Variants in NCOA4 observed in about 807,000 individuals in gnomAD.
NCOA4 encodes nuclear receptor coactivator 4, also known as 70 kDa AR-activator.
Under a neutral mutation model 69.5 loss-of-function variants are expected in NCOA4, and 31 were observed. The observed-to-expected ratio is 0.45, with a 90% CI of 0.34 to 0.60. The LOEUF (loss-of-function observed/expected upper bound fraction) is 0.60. NCOA4 is among the 20% of genes least tolerant of loss of function. NCOA4 has a pLI of 0.02. For synonymous variants in NCOA4, 228 were observed against 252.4 expected, an observed-to-expected ratio of 0.90 and a Z score of 0.92; for missense variants, 600 against 719.2, an observed-to-expected ratio of 0.83 and a Z score of 1.90.
intron 1 of NCOA4, chr10:46,023,476 G>GCCTC: frequency 1.0e-5 from 10 of 985,600 alleles, no homozygotes; most frequent in Non-Finnish European, 1.2e-5. Flanking sequence ...CCACTAGCGA[G>GCCTC]CTGGAGCGCT....
At chr10:46,014,749 C>G (rs1371468167) in intron 4 of NCOA4, 105 bp downstream of exon 4, 1 of 937,332 alleles carries the variant, frequency 1.1e-6, no homozygotes, top group Admixed American at 2.4e-5. Context: ...ATCCTAGCAA[C>G]ACAGAAGTTA....
intron 6 of NCOA4, 42 bp from the exon 7 acceptor site, chr10:46,013,068 T>C: frequency 6.2e-7 from 1 of 1,600,590 alleles, no homozygotes; most frequent in African/African-American, 1.3e-5. Context: ...CAGTAGAAAG[T>C]TCACCAGAAA....
chr10:46,005,477 A>T lies in NCOA4; in HGVS notation c.*1115T>A, dbSNP rs1554919303. ...AGTTTCAAAGTCTGGAAAGCAGCAAAGATATCTTAGAGAAAACATTATAAA... is the reference window on the plus strand; with the variant it reads ...AGTTTCAAAGTCTGGAAAGCAGCAATGATATCTTAGAGAAAACATTATAAA... On this transcript the variant is annotated 3_prime_UTR_variant, in exon 10 of 10. Coordinates refer to ENST00000581486, the MANE Select transcript of NCOA4 (RefSeq NM_001145263.2). 1 of 220,780 alleles carries T rather than the reference A, an allele frequency of 4.5e-6. No individual in the cohort carries two copies. Among genetic ancestry groups the T allele is most frequent in the African/African-American group, 2.2e-5 (1 of 44,618 alleles). 13.7% of individuals were successfully genotyped at this position (220,780 alleles called of 1,614,324 possible).
In NCOA4 at chr10:46,010,788, G is replaced by A. The variant is rs1564920439; in HGVS notation, c.1133C>T (p.Pro378Leu). 2 of 1,613,918 alleles carry A rather than the reference G, an allele frequency of 1.2e-6. No homozygotes were observed. The highest frequency in any genetic ancestry group is 2.2e-5 in the South Asian group (2 of 91,074). The change falls in exon 8 of 10, where the codon CCA becomes CTA. Residue 378 changes from proline (P) to leucine (L), a missense_variant. Coordinates refer to ENST00000581486, the MANE Select transcript of NCOA4 (RefSeq NM_001145263.2). ...TGTAACCATGCTGGGGGTGGACAATGGTTTCTTGGCCTCCAAGTGGTCATT... is the reference window on the plus strand; with the variant it reads ...TGTAACCATGCTGGGGGTGGACAATAGTTTCTTGGCCTCCAAGTGGTCATT... ...CLNDHLEAKK[P>L]LSTPSMVTED...
At chr10:46,009,354 A>C (rs1839057765) in intron 9 of NCOA4, 57 bp downstream of exon 9, 1 of 1,569,440 alleles carries the variant, frequency 6.4e-7, no homozygotes, top group Non-Finnish European at 8.7e-7. Context: ...TGTAAGACAA[A>C]ACATTTATTT....
chr10:46,026,179 T>C (rs1840149556), intron 1 of NCOA4, among the ~76,000 whole-genome samples: 1 of 152,236 alleles, frequency 6.6e-6, no homozygotes, highest in African/African-American at 2.4e-5. Flanking sequence ...AGGAAGGTTT[T>C]TTCAGAGAAA....
At position 46,014,481 on chromosome 10, in the gene NCOA4, C is replaced by T. The variant is rs782743957; in HGVS notation, c.443G>A (p.Arg148His). The part of the protein sequence containing the change: ...LLFEADTITL[R>H]QTITTFGSLK... Reference sequence around the variant, plus strand: ...AGACCCAAATGTGGTGATGGTCTGGCGCAGAGTAATTGTGTCAGCTTCAAA... The same window carrying T: ...AGACCCAAATGTGGTGATGGTCTGGTGCAGAGTAATTGTGTCAGCTTCAAA... The change falls in exon 5 of 10, where the codon CGC (arginine) becomes CAC (histidine). Residue 148 changes from arginine to histidine, a missense_variant. By Grantham distance (29) the Arg-to-His change is conservative. Transcript: ENST00000581486. 3.7e-6 allele frequency: 6 copies of T among 1,613,484 alleles called. No homozygotes were observed. The highest frequency in any genetic ancestry group is 2.2e-5 in the East Asian group (1 of 44,868).
At position 46,013,947 on chromosome 10, in the gene NCOA4, T is replaced by C. The variant is rs111659208; in HGVS notation, c.481-308A>G. On this transcript the variant is annotated intron_variant, in intron 5 of 9. Coordinates refer to ENST00000581486, the MANE Select transcript of NCOA4 (RefSeq NM_001145263.2). ...AATATTTCAAAAGTATTTAGAGAGA[T>C]ACATGAGGCATTCCAAAGAGTATCA... 7.4e-3 allele frequency among the ~76,000 whole-genome samples: 1,123 copies of C among 152,282 alleles called. 7 individuals carry two copies. The highest frequency in any genetic ancestry group is 0.011 in the Non-Finnish European group (756 of 68,020).
At position 46,016,592 on chromosome 10, in the gene NCOA4, G is replaced by T. The variant is rs782624524; in HGVS notation, c.89C>A (p.Ala30Asp). Reference sequence around the variant, plus strand: ...TTCAGCCCGGAGAACTCCACCAATAGCAAGCTCCAAGTCCCTCCGTGCATC... The same window carrying T: ...TTCAGCCCGGAGAACTCCACCAATATCAAGCTCCAAGTCCCTCCGTGCATC... ...CSDARRDLEL[A>D]IGGVLRAEQQ... Residue 30 changes from alanine to aspartate, a missense_variant, in exon 2 of 10, where the codon GCT (alanine) becomes GAT (aspartate). Coordinates refer to ENST00000581486, the MANE Select transcript of NCOA4 (RefSeq NM_001145263.2). 6.4e-7 allele frequency: 1 copy of T among 1,565,192 alleles called. No individual in the cohort carries two copies. Among genetic ancestry groups the T allele is most frequent in the Non-Finnish European group, 8.7e-7 (1 of 1,149,772 alleles).
chr10:46,012,091 A>AAAAAAAAAAAAC, intron 7 of NCOA4, among the ~76,000 whole-genome samples: 1 of 148,256 alleles, frequency 6.7e-6, no homozygotes, highest in Non-Finnish European at 1.5e-5. Flanking sequence ...AAAAAAAAAA[A>AAAAAAAAAAAAC]AAAAAAAAAA....
intron 7 of NCOA4, among the ~76,000 whole-genome samples, chr10:46,012,120 T>C (rs1554921837): frequency 2.6e-5 from 2 of 77,378 alleles, no homozygotes; most frequent in Non-Finnish European, 5.4e-5. Context: ...AAGAAAATAC[T>C]CAACCTCCTT....
intron 9 of NCOA4, among the ~76,000 whole-genome samples, chr10:46,007,855 C>T (rs1263889250): frequency 6.6e-6 from 1 of 152,108 alleles, no homozygotes; most frequent in Non-Finnish European, 1.5e-5. Context: ...TCCCAAAGTG[C>T]TGGAATTGCA....
chr10:46,021,395 G>A (rs562552373), intron 1 of NCOA4, among the ~76,000 whole-genome samples: 1 of 152,316 alleles, frequency 6.6e-6, no homozygotes, highest in Non-Finnish European at 1.5e-5. Flanking sequence ...TGACCCATCT[G>A]AAGGGCCACA....
At chr10:46,026,181 T>C (rs549460825) in intron 1 of NCOA4, among the ~76,000 whole-genome samples, 30 of 152,362 alleles carry the variant, frequency 2.0e-4, no homozygotes, top group African/African-American at 7.2e-4. Flanking sequence ...GAAGGTTTTT[T>C]CAGAGAAAGA....
chr10:46,029,876 A>G (rs1458552146), intron 1 of NCOA4, among the ~76,000 whole-genome samples: 7 of 152,214 alleles, frequency 4.6e-5, no homozygotes, highest in African/African-American at 1.4e-4. Context: ...GGCACCAAAT[A>G]AATGATTGCT....
chr10:46,012,111 A>AAAAAAAAG, intron 7 of NCOA4, among the ~76,000 whole-genome samples: 1 of 145,946 alleles, frequency 6.9e-6, no homozygotes, highest in Non-Finnish European at 1.5e-5. Flanking sequence ...AAACGAAAAA[A>AAAAAAAAG]GAAAATACTC....
In NCOA4 at chr10:46,009,373, GC is replaced by G. The variant is rs782157414; in HGVS notation, c.1839+37del. Reference sequence around the variant, plus strand: ...AGACAAAACATTTATTTTATAAATAGCTATAATCTAATTTTCATGCTGGTGG... The same window carrying G: ...AGACAAAACATTTATTTTATAAATAGTATAATCTAATTTTCATGCTGGTGG... On this transcript the variant is annotated intron_variant, in intron 9 of 9. Transcript: ENST00000581486. 4.3e-5 allele frequency: 68 copies of G among 1,586,144 alleles called. No individual in the cohort carries two copies. The East Asian group carries it at 1.4e-3, about 32-fold the overall frequency.
rs1357778795 is a variant in NCOA4, at chr10:46,011,212, C to T, written c.715-6G>A. The T allele has an allele frequency of 2.5e-6, 4 of 1,573,340 alleles. No homozygotes were observed. In the African/African-American group the frequency reaches 5.5e-5, roughly 22 times the overall value. ...TTGCAGGCTCTGGAAGAAGTCTACA[C>T]AAAAAGTACACAGTATTAGTTTGCC... On this transcript the variant is annotated splice_polypyrimidine_tract_variant and splice_region_variant and intron_variant, in intron 7 of 9. Coordinates refer to ENST00000581486, the MANE Select transcript of NCOA4 (RefSeq NM_001145263.2).
intron 1 of NCOA4, among the ~76,000 whole-genome samples, chr10:46,020,553 T>G (rs1462637630): frequency 6.6e-6 from 1 of 152,220 alleles, no homozygotes; most frequent in African/African-American, 2.4e-5. Flanking sequence ...TTTGCCCTTG[T>G]GGAACCTAAC....
Sources: gnomAD v4.1 joint callset for allele counts (sites outside exome capture counted in the v4.1 genomes callset) on GRCh38, gnomAD v4.1.1 for gene constraint, MANE v1.5 for transcripts, NCBI Gene and HGNC (gene_info 2026-07-23, HGNC 2026-07-21) for gene names.